The following CCNY variants were observed in gnomAD, a reference collection of about 807,000 sequenced individuals.
CCNY encodes cyclin-Y.
A neutral mutation model predicts 42.8 loss-of-function variants in CCNY; 19 were observed. The ratio of observed to expected loss-of-function variants is 0.44; its 90% CI spans 0.31 to 0.65. The LOEUF (loss-of-function observed/expected upper bound fraction) is 0.65, where lower values mean the gene tolerates loss of function less well. Among genes scored for constraint, CCNY ranks in the 30% least tolerant of loss-of-function variants. The pLI, the probability that CCNY is intolerant of heterozygous loss-of-function variation, is 0.07. For missense variants in CCNY, 370 were observed against 437.3 expected (o/e 0.85, Z 1.37); for synonymous variants, 165 against 162.7 (o/e 1.01, Z -0.11).
intron 1 of CCNY, among the ~76,000 whole-genome samples, chr10:35,452,964 A>T (rs898851895): frequency 1.3e-5 from 2 of 152,104 alleles, no homozygotes; most frequent in Admixed American, 6.6e-5. Flanking sequence ...ATTGTCTAGA[A>T]CATTTTAAAA....
chr10:35,397,246 G>A (rs548503639), intron 1 of CCNY, among the ~76,000 whole-genome samples: 9 of 152,354 alleles, frequency 5.9e-5, no homozygotes, highest in Admixed American at 5.9e-4. Context: ...CCTTGTGCAG[G>A]CAGCAGTGGT....
intron 1 of CCNY, among the ~76,000 whole-genome samples, chr10:35,337,532 C>T (rs746071391): frequency 1.3e-5 from 2 of 152,196 alleles, no homozygotes; most frequent in African/African-American, 2.4e-5. Flanking sequence ...TGGGTGGGGG[C>T]GGCCCGGGAG....
chr10:35,262,939 C>T (rs2095721236), intron 3 of CCNY, among the ~76,000 whole-genome samples: 2 of 150,750 alleles, frequency 1.3e-5, no homozygotes, highest in Non-Finnish European at 2.9e-5. Flanking sequence ...AAAAAAAGGT[C>T]ACGTGTGGTG....
intron 1 of CCNY, among the ~76,000 whole-genome samples, chr10:35,409,874 G>A (rs2135244876): frequency 6.6e-6 from 1 of 152,092 alleles, no homozygotes; most frequent in East Asian, 1.9e-4. Flanking sequence ...CCCACCTTGA[G>A]TAGCTGGGAC....
At chr10:35,445,895 T>C (rs2135304237) in intron 1 of CCNY, among the ~76,000 whole-genome samples, 1 of 152,368 alleles carries the variant, frequency 6.6e-6, no homozygotes, top group South Asian at 2.1e-4. Context: ...CTTACTACTT[T>C]TTTTTCTGAA....
At chr10:35,454,361 G>A (rs1838984202) in intron 1 of CCNY, among the ~76,000 whole-genome samples, 1 of 152,208 alleles carries the variant, frequency 6.6e-6, no homozygotes, top group Non-Finnish European at 1.5e-5. Flanking sequence ...CTCCGCCGTA[G>A]CGGTTCAGCG....
Position 35,395,250 on chromosome 10 carries a change from C to G in CCNY, c.154+58043C>G, listed in dbSNP as rs114681209. Among the ~76,000 whole-genome samples, 582 of 152,076 alleles carry G rather than the reference C, an allele frequency of 3.8e-3. 1 individual carries two copies. Among genetic ancestry groups the G allele is most frequent in the African/African-American group, 0.013 (553 of 41,432 alleles). On this transcript the variant is annotated intron_variant, in intron 1 of 9. Coordinates refer to ENST00000374704, the MANE Select transcript of CCNY (RefSeq NM_145012.6). ...TCCTCAGGAAAAGCTATGTGTTGTTCCATTGTTAGAGAAAAAAGCCAGAGC... is the reference window on the plus strand; with the variant it reads ...TCCTCAGGAAAAGCTATGTGTTGTTGCATTGTTAGAGAAAAAAGCCAGAGC...
At chr10:35,422,152 C>T (rs990910377) in intron 1 of CCNY, among the ~76,000 whole-genome samples, 2 of 151,994 alleles carry the variant, frequency 1.3e-5, no homozygotes, top group African/African-American at 4.8e-5. Flanking sequence ...TAATTTTACA[C>T]CTTTCTATTC....
intron 2 of CCNY, among the ~76,000 whole-genome samples, chr10:35,492,967 C>T (rs1839930166): frequency 6.6e-6 from 1 of 152,108 alleles, no homozygotes; most frequent in African/African-American, 2.4e-5. Context: ...TCCCCTCTCC[C>T]CTCTGCAGTC....
intron 1 of CCNY, among the ~76,000 whole-genome samples, chr10:35,341,747 A>G (rs969106079): frequency 1.3e-5 from 2 of 152,208 alleles, no homozygotes; most frequent in Non-Finnish European, 2.9e-5. Flanking sequence ...TTGTAGTTTA[A>G]CCTGAGAGGT....
chr10:35,255,394 C>T (rs1480209856), intron 3 of CCNY, among the ~76,000 whole-genome samples: 1 of 150,966 alleles, frequency 6.6e-6, no homozygotes, highest in East Asian at 1.9e-4. Flanking sequence ...GATCTCGGCT[C>T]ATTTCAACCT....
At chr10:35,363,451 C>G (rs932762102) in intron 1 of CCNY, among the ~76,000 whole-genome samples, 4 of 152,152 alleles carry the variant, frequency 2.6e-5, no homozygotes, top group African/African-American at 9.7e-5. Context: ...AGGTGCTCCT[C>G]TCTTCCCAGA....
chr10:35,329,479 G>T (rs1835916715), intron 3 of CCNY, among the ~76,000 whole-genome samples: 1 of 152,282 alleles, frequency 6.6e-6, no homozygotes, highest in South Asian at 2.1e-4. Flanking sequence ...TCTTTGGGGA[G>T]AGGTTAAATA....
chr10:35,262,176 C>G (rs1176660339), intron 3 of CCNY, among the ~76,000 whole-genome samples: 2 of 143,510 alleles, frequency 1.4e-5, no homozygotes, highest in Non-Finnish European at 3.0e-5. Flanking sequence ...ACAGAAGAAT[C>G]TCTTGAACCC....
chr10:35,508,485 A>G (rs1041215575), intron 3 of CCNY, among the ~76,000 whole-genome samples: 8 of 152,220 alleles, frequency 5.3e-5, no homozygotes. Flanking sequence ...AACCCTGGAT[A>G]GCCATTTCTC....
intron 2 of CCNY, among the ~76,000 whole-genome samples, chr10:35,494,447 AT>A (rs1353057012): frequency 1.3e-5 from 2 of 152,146 alleles, no homozygotes; most frequent in Non-Finnish European, 2.9e-5. Context: ...GTCAGGATAG[AT>A]TTCTGATGGA....
intron 1 of CCNY, among the ~76,000 whole-genome samples, chr10:35,458,906 T>G (rs1222091890): frequency 6.6e-6 from 1 of 152,114 alleles, no homozygotes; most frequent in Non-Finnish European, 1.5e-5. Context: ...TTCTCAGCCC[T>G]TAGTTGATTC....
At chr10:35,475,288 C>T (rs867160972) in intron 1 of CCNY, among the ~76,000 whole-genome samples, 9 of 152,078 alleles carry the variant, frequency 5.9e-5, no homozygotes, top group South Asian at 4.1e-4. Flanking sequence ...ATACAGAGAA[C>T]GCCACAAAGA....
chr10:35,249,073 C>T (rs1237667775), intron 2 of CCNY, among the ~76,000 whole-genome samples: 1 of 152,094 alleles, frequency 6.6e-6, no homozygotes, highest in Non-Finnish European at 1.5e-5. Flanking sequence ...TCAACCCCAA[C>T]AGGTGCATGC....
Sources: gnomAD v4.1 joint callset for allele counts (sites outside exome capture counted in the v4.1 genomes callset) on GRCh38, gnomAD v4.1.1 for gene constraint, MANE v1.5 for transcripts, NCBI Gene and HGNC (gene_info 2026-07-23, HGNC 2026-07-21) for gene names.